Variants in GRAMD2B observed in about 807,000 individuals in gnomAD.
GRAMD2B encodes GRAM domain-containing protein 2B.
Under a neutral mutation model 59.2 loss-of-function variants are expected in GRAMD2B, and 41 were observed. The ratio of observed to expected loss-of-function variants is 0.69; its 90% CI spans 0.54 to 0.90. GRAMD2B has a LOEUF of 0.90. GRAMD2B is among the 40% of genes least tolerant of loss of function. GRAMD2B has a pLI of 0.00. For synonymous variants in GRAMD2B, 161 were observed against 182.7 expected, an observed-to-expected ratio of 0.88 and a Z score of 0.96; for missense variants, 424 against 500.5, an observed-to-expected ratio of 0.85 and a Z score of 1.46.
intron 1 of GRAMD2B, among the ~76,000 whole-genome samples, chr5:126,363,972 A>G (rs1024912749): frequency 1.3e-5 from 2 of 152,228 alleles, no homozygotes; most frequent in Admixed American, 1.3e-4. Context: ...TGAACTTTGT[A>G]TTATGTAAAT....
chr5:126,408,396 T>C (rs1758448228), intron 1 of GRAMD2B, among the ~76,000 whole-genome samples: 1 of 152,078 alleles, frequency 6.6e-6, no homozygotes, highest in African/African-American at 2.4e-5. Flanking sequence ...TTGTGAATAG[T>C]GCTGCAAGGA....
In GRAMD2B at chr5:126,465,537, T is replaced by G. The variant is rs1304036652; in HGVS notation, c.195T>G (p.Ile65Met). The G allele has an allele frequency of 8.7e-6, 14 of 1,613,288 alleles. No homozygotes were observed. The highest frequency in any genetic ancestry group is 1.3e-5 in the African/African-American group (1 of 74,872). Reference sequence around the variant, plus strand: ...ACTCCCCAGACCAGAAGAAAATCATTAGCCTATGGTAAGTCCTCCGTTGAC... The same window carrying G: ...ACTCCCCAGACCAGAAGAAAATCATGAGCCTATGGTAAGTCCTCCGTTGAC... ...EADSPDQKKI[I>M]SLWSKSSFDG... The change falls in exon 2 of 14, where the codon ATT becomes ATG. Residue 65 changes from isoleucine to methionine, a missense_variant. By Grantham distance (10) the Ile-to-Met change is conservative. Coordinates refer to ENST00000285689, the MANE Select transcript of GRAMD2B (RefSeq NM_023927.4).
In GRAMD2B at chr5:126,484,448, A is replaced by C. The variant is rs763707603; in HGVS notation, c.894A>C (p.Gly298=). 1.2e-6 allele frequency: 2 copies of C among 1,614,186 alleles called. No homozygotes were observed. The highest frequency in any genetic ancestry group is 1.7e-5 in the Admixed American group (1 of 60,030). ...AAACAGTTCTGAATGTCTCCAAGGG[A>C]GAAGCAAAGCCAACTCGGGCAGATG... The part of the protein sequence containing the change: ...ESQTVLNVSK[G]EAKPTRADAH... Residue 298 remains glycine (G), a synonymous_variant, in exon 10 of 14, where the codon GGA becomes GGC. Transcript: ENST00000285689.
At chr5:126,450,774 A>C (rs1765209212) in intron 1 of GRAMD2B, among the ~76,000 whole-genome samples, 1 of 152,178 alleles carries the variant, frequency 6.6e-6, no homozygotes, top group African/African-American at 2.4e-5. Context: ...GCAAGCTGTA[A>C]GCCTTGGTGG....
At chr5:126,421,266 T>C (rs975035294), upstream of GRAMD2B, among the ~76,000 whole-genome samples, 6 of 152,354 alleles carry the variant, frequency 3.9e-5, no homozygotes, top group Admixed American at 3.3e-4. Context: ...TTTACCACAA[T>C]AAATAAATTA....
chr5:126,383,524 C>A (rs1755838516), intron 1 of GRAMD2B, among the ~76,000 whole-genome samples: 1 of 152,142 alleles, frequency 6.6e-6, no homozygotes, highest in South Asian at 2.1e-4. Flanking sequence ...ATAGGCATTA[C>A]TTTATAAACC....
At chr5:126,401,923 C>A (rs953037628) in intron 1 of GRAMD2B, among the ~76,000 whole-genome samples, 1 of 151,998 alleles carries the variant, frequency 6.6e-6, no homozygotes, top group Admixed American at 6.6e-5. Flanking sequence ...AGGTCATATA[C>A]CGGGGTCACT....
intron 2 of GRAMD2B, among the ~76,000 whole-genome samples, chr5:126,467,793 A>G (rs1768737827): frequency 6.6e-6 from 1 of 152,218 alleles, no homozygotes; most frequent in Non-Finnish European, 1.5e-5. Flanking sequence ...ATCTGAAATT[A>G]AACTCATTTA....
chr5:126,401,311 C>T (rs959483097), intron 1 of GRAMD2B, among the ~76,000 whole-genome samples: 1 of 151,918 alleles, frequency 6.6e-6, no homozygotes, highest in African/African-American at 2.4e-5. Flanking sequence ...TTCTATCTTG[C>T]TGTTAAACTT....
In GRAMD2B at chr5:126,404,496, A is replaced by G. The variant is rs1580813468; in HGVS notation, c.125+32929A>G. Reference sequence around the variant, plus strand: ...AATTCCTAAGTGAAATCATGGTCATATGCAGCTACTCCTATATTTTCGGAT... The same window carrying G: ...AATTCCTAAGTGAAATCATGGTCATGTGCAGCTACTCCTATATTTTCGGAT... On this transcript the variant is annotated intron_variant, in intron 1 of 8. Coordinates refer to the GRAMD2B transcript ENST00000506445. Among the ~76,000 whole-genome samples, 4 of 152,054 alleles carry G rather than the reference A, an allele frequency of 2.6e-5. No individual in the cohort carries two copies. The South Asian group carries it at 8.3e-4, about 31-fold the overall frequency.
upstream of GRAMD2B, chr5:126,423,114 G>A (rs995470820): frequency 4.1e-6 from 4 of 975,056 alleles, no homozygotes; most frequent in Non-Finnish European, 2.4e-6. Flanking sequence ...TTGTGTGACA[G>A]GGCGTCCCAC....
intron 5 of GRAMD2B, among the ~76,000 whole-genome samples, chr5:126,475,776 C>T (rs1249076822): frequency 3.3e-5 from 5 of 151,786 alleles, no homozygotes; most frequent in Admixed American, 6.6e-5. Context: ...ACCAGCCTGA[C>T]CAACATGGAG....
intron 1 of GRAMD2B, among the ~76,000 whole-genome samples, chr5:126,451,090 G>C (rs886175478): frequency 6.6e-6 from 1 of 152,204 alleles, no homozygotes; most frequent in Admixed American, 6.5e-5. Flanking sequence ...AAAACCCACA[G>C]GCATTCAACT....
intron 1 of GRAMD2B, among the ~76,000 whole-genome samples, chr5:126,464,429 C>A (rs1767933761): frequency 6.6e-6 from 1 of 152,168 alleles, no homozygotes; most frequent in African/African-American, 2.4e-5. Flanking sequence ...CTTCAACATC[C>A]CTTCCTTTCC....
chr5:126,447,416 A>C (rs1764447684), intron 1 of GRAMD2B, among the ~76,000 whole-genome samples: 1 of 152,188 alleles, frequency 6.6e-6, no homozygotes. Context: ...TAATCCCAGC[A>C]CTTTGGGAGG....
At chr5:126,426,149 ATTAATTTTAAAATAATT>A (rs1441687947) in intron 1 of GRAMD2B, among the ~76,000 whole-genome samples, 1 of 152,036 alleles carries the variant, frequency 6.6e-6, no homozygotes, top group East Asian at 1.9e-4. Context: ...TAAAAATAAT[ATTAATTTTAAAATAATT>A]TAAAAATATA....
upstream of GRAMD2B, among the ~76,000 whole-genome samples, chr5:126,369,591 C>T (rs1485862323): frequency 6.6e-6 from 1 of 152,002 alleles, no homozygotes; most frequent in African/African-American, 2.4e-5. Context: ...AAGCAAGGAC[C>T]CATTTTTTAA....
chr5:126,460,850 ATGAAGACCCTC>A (rs1370776052), intron 1 of GRAMD2B, among the ~76,000 whole-genome samples: 3 of 152,218 alleles, frequency 2.0e-5, no homozygotes, highest in African/African-American at 7.2e-5. Flanking sequence ...CATTTATTCT[ATGAAGACCCTC>A]TGATGAAACA....
intron 1 of GRAMD2B, among the ~76,000 whole-genome samples, chr5:126,463,704 T>C (rs1447037190): frequency 6.6e-6 from 1 of 152,176 alleles, no homozygotes; most frequent in Non-Finnish European, 1.5e-5. Context: ...AAAAGAGAAA[T>C]GCTTACCACA....
Sources: gnomAD v4.1 joint callset for allele counts (sites outside exome capture counted in the v4.1 genomes callset) on GRCh38, gnomAD v4.1.1 for gene constraint, MANE v1.5 for transcripts, NCBI Gene and HGNC (gene_info 2026-07-23, HGNC 2026-07-21) for gene names.